The following GPC6 variants were observed in gnomAD, a reference collection of about 807,000 sequenced individuals.
The protein encoded by GPC6 is glypican 6, also known as glypican-6.
A neutral mutation model predicts 55.2 loss-of-function variants in GPC6; 14 were observed. The ratio of observed to expected loss-of-function variants is 0.25; its 90% CI spans 0.17 to 0.40. GPC6 has a LOEUF of 0.40. GPC6 is among the 10% of genes least tolerant of loss of function. The probability of loss-of-function intolerance (pLI) is 1.00; values close to 1 mark genes in which losing one functional copy is unlikely to be tolerated. For synonymous variants in GPC6, 278 were observed against 259.6 expected (o/e 1.07, Z -0.68); for missense variants, 641 against 708.5 (o/e 0.90, Z 1.08).
rs1226150181 is a variant in GPC6 at position 93,898,975 on chromosome 13, A to G, written c.711+68430A>G. Reference sequence around the variant, plus strand: ...TATATATATATATATATACACACACATATATATACATACATCCCAGATATA... The same window carrying G: ...TATATATATATATATATACACACACGTATATATACATACATCCCAGATATA... On this transcript the variant is annotated intron_variant, in intron 3 of 8. Coordinates refer to ENST00000377047, the MANE Select transcript of GPC6 (RefSeq NM_005708.5). Among the ~76,000 whole-genome samples the G allele has an allele frequency of 2.0e-5, 3 of 147,914 alleles. No individual in the cohort carries two copies. In the East Asian group the frequency reaches 5.9e-4, roughly 29 times the overall value.
intron 1 of GPC6, among the ~76,000 whole-genome samples, chr13:93,433,954 G>A (rs928993286): frequency 6.6e-6 from 1 of 152,094 alleles, no homozygotes; most frequent in Non-Finnish European, 1.5e-5. Flanking sequence ...AAGTTGAGTC[G>A]GTTCCCAGCT....
At chr13:94,377,859 T>C (rs7999697) in intron 6 of GPC6, among the ~76,000 whole-genome samples, 27,825 of 152,032 alleles carry the variant, frequency 0.18, 2,703 homozygotes, top group South Asian at 0.3. Flanking sequence ...TGGAATACTA[T>C]GCAGCCATAA....
intron 1 of GPC6, among the ~76,000 whole-genome samples, chr13:93,389,520 T>A (rs942902698): frequency 6.7e-6 from 1 of 150,064 alleles, no homozygotes; most frequent in Non-Finnish European, 1.5e-5. Flanking sequence ...AAAAAAAAAA[T>A]TATATATACT....
intron 1 of GPC6, among the ~76,000 whole-genome samples, chr13:93,518,029 C>A (rs1372007920): frequency 2.6e-5 from 4 of 151,846 alleles, no homozygotes; most frequent in Non-Finnish European, 4.4e-5. Context: ...ATGATACTTA[C>A]ATCCAGGTAG....
At chr13:94,294,744 T>C (rs902898684) in intron 5 of GPC6, among the ~76,000 whole-genome samples, 3 of 152,178 alleles carry the variant, frequency 2.0e-5, no homozygotes, top group African/African-American at 7.2e-5. Flanking sequence ...AGTTTAGAAT[T>C]TAGTTCAAAT....
chr13:94,098,497 A>G (rs939115200), intron 4 of GPC6, among the ~76,000 whole-genome samples: 64 of 152,170 alleles, frequency 4.2e-4, no homozygotes, highest in Non-Finnish European at 1.3e-4. Flanking sequence ...TATCTACCAG[A>G]GCTCTTGTAA....
At chr13:94,361,358 C>T (rs1180936026) in intron 6 of GPC6, among the ~76,000 whole-genome samples, 1 of 152,184 alleles carries the variant, frequency 6.6e-6, no homozygotes, top group Non-Finnish European at 1.5e-5. Context: ...CGTTCAAATT[C>T]CTAATAATAT....
chr13:93,740,978 T>A (rs887101980), intron 2 of GPC6, among the ~76,000 whole-genome samples: 2 of 152,150 alleles, frequency 1.3e-5, no homozygotes, highest in Admixed American at 6.5e-5. Flanking sequence ...TTAGTTTTTT[T>A]ATATGTTTGC....
chr13:94,332,747 T>A lies in GPC6; in HGVS notation c.1152+26624T>A, dbSNP rs116324476. ...TTTCCTGTAATGTTCTGGAATTTTT[T>A]ATAAACAAAATCAGTTTGGTGGTTT... On this transcript the variant is annotated intron_variant, in intron 6 of 8. Coordinates refer to ENST00000377047, the MANE Select transcript of GPC6 (RefSeq NM_005708.5). Among the ~76,000 whole-genome samples the A allele has an allele frequency of 5.5e-3, 836 of 152,382 alleles. 18 individuals carry two copies. The highest frequency in any genetic ancestry group is 0.019 in the African/African-American group (787 of 41,588).
chr13:94,126,192 C>T (rs1886803189), intron 4 of GPC6, among the ~76,000 whole-genome samples: 1 of 151,924 alleles, frequency 6.6e-6, no homozygotes, highest in South Asian at 2.1e-4. Flanking sequence ...CCAGCCTGGG[C>T]AACATAGCAA....
At chr13:93,836,939 G>C (rs559982950) in intron 3 of GPC6, among the ~76,000 whole-genome samples, 5 of 152,238 alleles carry the variant, frequency 3.3e-5, no homozygotes, top group Admixed American at 2.6e-4. Flanking sequence ...CATATGGAAT[G>C]TATCACAGTT....
chr13:93,776,656 A>C (rs902973931), intron 2 of GPC6, among the ~76,000 whole-genome samples: 8 of 152,228 alleles, frequency 5.3e-5, no homozygotes, highest in African/African-American at 1.9e-4. Flanking sequence ...AGCCAGCACA[A>C]ATGTATGCTT....
chr13:93,961,202 A>C (rs1277346410), intron 3 of GPC6, among the ~76,000 whole-genome samples: 1 of 152,222 alleles, frequency 6.6e-6, no homozygotes, highest in East Asian at 1.9e-4. Flanking sequence ...CAGATTACTT[A>C]AATCTAAATT....
chr13:93,363,548 G>T lies in GPC6; in HGVS notation c.160+135932G>T, dbSNP rs533191501. On this transcript the variant is annotated intron_variant, in intron 1 of 8. Transcript: ENST00000377047. Reference sequence around the variant, plus strand: ...CCAGTCTATCATTGTTGGACATTTGGGTTGGTTCCAAGTCTTTGCTATTGT... The same window carrying T: ...CCAGTCTATCATTGTTGGACATTTGTGTTGGTTCCAAGTCTTTGCTATTGT... Among the ~76,000 whole-genome samples, 653 of 151,584 alleles carry T rather than the reference G, an allele frequency of 4.3e-3. 7 individuals carry two copies. Among genetic ancestry groups the T allele is most frequent in the Non-Finnish European group, 7.9e-3 (533 of 67,838 alleles).
intron 1 of GPC6, among the ~76,000 whole-genome samples, chr13:93,242,559 C>A (rs1876468157): frequency 6.6e-6 from 1 of 152,154 alleles, no homozygotes; most frequent in African/African-American, 2.4e-5. Flanking sequence ...GCTGTGTCTG[C>A]AGCAGTGGGT....
At chr13:93,974,787 C>A (rs553620301) in intron 3 of GPC6, among the ~76,000 whole-genome samples, 1 of 151,844 alleles carries the variant, frequency 6.6e-6, no homozygotes, top group Admixed American at 6.6e-5. Flanking sequence ...TATTTGGAAT[C>A]GAAACTATTA....
chr13:93,767,060 A>G (rs1223878024), intron 2 of GPC6, among the ~76,000 whole-genome samples: 1 of 151,984 alleles, frequency 6.6e-6, no homozygotes, highest in Non-Finnish European at 1.5e-5. Flanking sequence ...ACTAGTGTTG[A>G]TATTGTTTCT....
intron 2 of GPC6, among the ~76,000 whole-genome samples, chr13:93,715,707 C>G (rs1050696217): frequency 1.3e-5 from 2 of 151,508 alleles, no homozygotes; most frequent in Non-Finnish European, 3.0e-5. Context: ...GATTATGAAC[C>G]ATTTTACTTA....
intron 3 of GPC6, among the ~76,000 whole-genome samples, chr13:94,009,676 A>G (rs1882163967): frequency 1.3e-5 from 2 of 152,160 alleles, no homozygotes; most frequent in Non-Finnish European, 1.5e-5. Flanking sequence ...CCATGGCCCT[A>G]CATAATAGGA....
Sources: allele counts gnomAD v4.1 joint callset (sites outside exome capture counted in the v4.1 genomes callset), GRCh38; gene constraint gnomAD v4.1.1; transcripts MANE v1.5; gene names NCBI Gene and HGNC (gene_info 2026-07-23, HGNC 2026-07-21).